The following GRAMD1B variants were observed in gnomAD, a reference collection of about 807,000 sequenced individuals.
GRAMD1B encodes the protein GRAM domain containing 1B, also known as protein Aster-B.
A neutral mutation model predicts 99.7 loss-of-function variants in GRAMD1B; 37 were observed. The ratio of observed to expected loss-of-function variants is 0.37; its 90% confidence interval spans 0.29 to 0.49. The LOEUF (loss-of-function observed/expected upper bound fraction) is 0.49, where lower values mean the gene tolerates loss of function less well. Among genes scored for constraint, GRAMD1B ranks in the 20% least tolerant of loss-of-function variants. The pLI is 0.98. For synonymous variants in GRAMD1B, 427 were observed against 387.6 expected, an observed-to-expected ratio of 1.10 and a Z score of -1.19; for missense variants, 888 against 1,009.2, an observed-to-expected ratio of 0.88 and a Z score of 1.63.
At chr11:123,552,273 C>CTTTTTTTTTTTTTTTTTTTTTTT (rs71060514) in intron 2 of GRAMD1B, among the ~76,000 whole-genome samples, 6 of 119,342 alleles carry the variant, frequency 5.0e-5, no homozygotes, top group East Asian at 2.4e-4. Flanking sequence ...CTCTTTCTTT[C>CTTTTTTTTTTTTTTTTTTTTTTT]TTTTTTTTTT....
intron 1 of GRAMD1B, among the ~76,000 whole-genome samples, chr11:123,415,118 T>C (rs1948189397): frequency 7.0e-6 from 1 of 142,646 alleles, no homozygotes; most frequent in Non-Finnish European, 1.5e-5. Context: ...TTTTTTTTTT[T>C]TTTGAGACAG....
chr11:123,483,050 GAGTT>G (rs1487645925), intron 2 of GRAMD1B, among the ~76,000 whole-genome samples: 1 of 150,128 alleles, frequency 6.7e-6, no homozygotes, highest in Non-Finnish European at 1.5e-5. Context: ...AAAAAAAAAA[GAGTT>G]GGTTGAAGGA....
At position 123,625,190 on chromosome 11, in the gene GRAMD1B, A is replaced by G. The variant is rs1227689768; in HGVS notation, c.*2595A>G. 1.3e-5 allele frequency: 2 copies of G among 152,208 alleles called. No individual in the cohort carries two copies. Among genetic ancestry groups the G allele is most frequent in the Non-Finnish European group, 2.9e-5 (2 of 68,036 alleles). The allele number at this position is 152,208 out of a possible 1,614,324, so 9.4% of individuals were successfully genotyped here. Reference sequence around the variant, plus strand: ...TCTTGGAGTGAAACAAATAAATAGCATTGTATTCCTGGCCATTTGCCTGGC... The same window carrying G: ...TCTTGGAGTGAAACAAATAAATAGCGTTGTATTCCTGGCCATTTGCCTGGC... On this transcript the variant is annotated 3_prime_UTR_variant, in exon 20 of 20. Coordinates refer to ENST00000635736, the MANE Select transcript of GRAMD1B (RefSeq NM_001387025.1).
chr11:123,431,692 C>T (rs530233893), intron 1 of GRAMD1B, among the ~76,000 whole-genome samples: 2 of 152,220 alleles, frequency 1.3e-5, no homozygotes, highest in Non-Finnish European at 2.9e-5. Context: ...AACTGGCTCA[C>T]TTGTGTGGAA....
At chr11:123,413,246 A>AGT (rs747297717) in intron 1 of GRAMD1B, among the ~76,000 whole-genome samples, 11 of 152,098 alleles carry the variant, frequency 7.2e-5, no homozygotes, top group Non-Finnish European at 1.5e-4. Context: ...TGCTCTCCAA[A>AGT]CCAACAATGA....
intron 2 of GRAMD1B, among the ~76,000 whole-genome samples, chr11:123,570,004 A>G (rs1004638644): frequency 7.2e-5 from 11 of 152,166 alleles, no homozygotes; most frequent in African/African-American, 1.9e-4. Flanking sequence ...ACAAGCTCAA[A>G]TGATTTTACT....
At chr11:123,479,424 A>G (rs1285014675) in intron 1 of GRAMD1B, among the ~76,000 whole-genome samples, 1 of 152,194 alleles carries the variant, frequency 6.6e-6, no homozygotes, top group Non-Finnish European at 1.5e-5. Context: ...CATCTAGGCT[A>G]AGGAATATAC....
At chr11:123,504,961 C>T (rs1940271044) in intron 2 of GRAMD1B, among the ~76,000 whole-genome samples, 1 of 152,164 alleles carries the variant, frequency 6.6e-6, no homozygotes, top group Non-Finnish European at 1.5e-5. Context: ...GAATTACAGG[C>T]TTGAGCCACC....
intron 2 of GRAMD1B, among the ~76,000 whole-genome samples, chr11:123,522,463 C>T (rs963661130): frequency 7.2e-5 from 11 of 152,134 alleles, no homozygotes; most frequent in Non-Finnish European, 1.2e-4. Context: ...GGATTATAGG[C>T]GTGCCCTACC....
chr11:123,520,177 C>T (rs548689168), intron 2 of GRAMD1B, among the ~76,000 whole-genome samples: 6 of 152,330 alleles, frequency 3.9e-5, no homozygotes, highest in Admixed American at 6.5e-5. Context: ...AAAAGCTGAA[C>T]TCTTTCCGGC....
chr11:123,490,452 A>G (rs1938425669), intron 2 of GRAMD1B, among the ~76,000 whole-genome samples: 2 of 152,346 alleles, frequency 1.3e-5, no homozygotes, highest in South Asian at 4.1e-4. Flanking sequence ...GGGAGATGAC[A>G]GGATCAGATT....
chr11:123,386,117 T>A (rs945234546), intron 1 of GRAMD1B, among the ~76,000 whole-genome samples: 5 of 152,230 alleles, frequency 3.3e-5, no homozygotes, highest in Non-Finnish European at 5.9e-5. Context: ...TAAACCTCTC[T>A]CCACATCTAA....
In GRAMD1B at chr11:123,392,143, T is replaced by C. The variant is rs529047405; in HGVS notation, c.-176+33344T>C. ...GACCCGGAGTTAGGAAGGAGTGTGG[T>C]ACACTTGAAGAACAACCAGAAGCCC... On this transcript the variant is annotated intron_variant, in intron 1 of 20. Coordinates refer to the GRAMD1B transcript ENST00000638157. Among the ~76,000 whole-genome samples, 15 of 152,062 alleles carry C rather than the reference T, an allele frequency of 9.9e-5. No homozygotes were observed. The East Asian group carries it at 2.9e-3, about 30-fold the overall frequency.
At position 123,559,793 on chromosome 11, in the gene GRAMD1B, C is replaced by A. The variant is rs111685335; in HGVS notation, c.453-17574C>A. 4.2e-3 allele frequency: 2,143 copies of A among 507,026 alleles called. 30 individuals carry two copies. The highest frequency in any genetic ancestry group is 0.029 in the African/African-American group (1,415 of 48,180). 31.4% of individuals were successfully genotyped at this position (507,026 alleles called of 1,614,324 possible). On this transcript the variant is annotated intron_variant, in intron 2 of 19. Coordinates refer to ENST00000635736, the MANE Select transcript of GRAMD1B (RefSeq NM_001387025.1). ...CTGGGAGCAGCTACACTGAAGAGGC[C>A]CTCGGCCATCTTTTCTTGCGGATTA...
intron 1 of GRAMD1B, among the ~76,000 whole-genome samples, chr11:123,442,610 A>G (rs1949459063): frequency 6.6e-6 from 1 of 152,196 alleles, no homozygotes; most frequent in Admixed American, 6.6e-5. Flanking sequence ...TCTCTACTAA[A>G]AATACAAAAA....
chr11:123,425,178 G>A (rs936531389), intron 1 of GRAMD1B, among the ~76,000 whole-genome samples: 2 of 152,198 alleles, frequency 1.3e-5, no homozygotes, highest in Non-Finnish European at 2.9e-5. Flanking sequence ...AGCAAGTGAT[G>A]GAAACAGGTC....
chr11:123,580,426 A>G (rs1592111469), intron 3 of GRAMD1B, among the ~76,000 whole-genome samples: 1 of 151,910 alleles, frequency 6.6e-6, no homozygotes, highest in Non-Finnish European at 1.5e-5. Flanking sequence ...TAGCTGGTCC[A>G]CCTCACTCCC....
In GRAMD1B at chr11:123,613,623, A is replaced by G; in HGVS notation, c.2192A>G (p.Asp731Gly). The G allele has an allele frequency of 6.2e-7, 1 of 1,613,772 alleles. No homozygotes were observed. The highest frequency in any genetic ancestry group is 8.5e-7 in the Non-Finnish European group (1 of 1,179,792). The part of the protein sequence containing the change: ...EVMSPVTTPT[D>G]EDVGHRIKHV... ...ATGAGCCCGGTCACCACGCCCACAG[A>G]TGAGGATGTGGGCCACAGGATCAAA... Residue 731 changes from aspartate (D) to glycine (G), a missense_variant, in exon 16 of 20, where the codon GAT becomes GGT. By Grantham distance (94) the Asp-to-Gly change is moderately conservative. Transcript: ENST00000635736.
intron 2 of GRAMD1B, among the ~76,000 whole-genome samples, chr11:123,575,452 G>C (rs1235778958): frequency 6.6e-6 from 1 of 152,026 alleles, no homozygotes; most frequent in South Asian, 2.1e-4. Flanking sequence ...CAAGTAGCTG[G>C]GATTACAGCT....
Sources: allele counts gnomAD v4.1 joint callset (sites outside exome capture counted in the v4.1 genomes callset), GRCh38; gene constraint gnomAD v4.1.1; transcripts MANE v1.5; gene names NCBI Gene and HGNC (gene_info 2026-07-23, HGNC 2026-07-21).